ATP9B: variants seen among roughly 807,000 people sequenced by gnomAD.
ATP9B encodes the protein probable phospholipid-transporting ATPase IIB.
Under a neutral mutation model 146.1 loss-of-function variants are expected in ATP9B, and 110 were observed. The ratio of observed to expected loss-of-function variants is 0.75; its 90% CI spans 0.65 to 0.88. The LOEUF (loss-of-function observed/expected upper bound fraction) is 0.88. ATP9B is among the 40% of genes least tolerant of loss of function. The pLI is 0.00. For missense variants in ATP9B, 1,499 were observed against 1,496.4 expected, an observed-to-expected ratio of 1.00 and a Z score of -0.03; for synonymous variants, 604 against 569.7, an observed-to-expected ratio of 1.06 and a Z score of -0.86.
chr18:79,281,234 C>T (rs2096373031), intron 13 of ATP9B, among the ~76,000 whole-genome samples: 1 of 151,990 alleles, frequency 6.6e-6, no homozygotes, highest in Non-Finnish European at 1.5e-5. Flanking sequence ...CAGTGACTCA[C>T]ACCCGTAATC....
intron 9 of ATP9B, among the ~76,000 whole-genome samples, chr18:79,204,046 T>G (rs1204326384): frequency 1.3e-5 from 2 of 152,226 alleles, no homozygotes; most frequent in East Asian, 1.9e-4. Context: ...ATTTTGGTTG[T>G]TCTATCAAAT....
At chr18:79,140,593 G>A (rs576014328) in intron 5 of ATP9B, among the ~76,000 whole-genome samples, 1 of 152,084 alleles carries the variant, frequency 6.6e-6, no homozygotes, top group South Asian at 2.1e-4. Flanking sequence ...TGGCCCACAT[G>A]GCAAAACCCT....
intron 25 of ATP9B, among the ~76,000 whole-genome samples, chr18:79,356,818 G>T (rs908994675): frequency 1.4e-5 from 2 of 143,450 alleles, no homozygotes; most frequent in Non-Finnish European, 3.1e-5. Flanking sequence ...TGGGTCTGGA[G>T]GTGTCTGTGT....
intron 15 of ATP9B, among the ~76,000 whole-genome samples, chr18:79,322,830 A>G (rs554652393): frequency 6.6e-6 from 1 of 152,252 alleles, no homozygotes; most frequent in Non-Finnish European, 1.5e-5. Context: ...CTCCCAGAGC[A>G]GAATGTTCTC....
chr18:79,082,596 A>G (rs1249196100), intron 1 of ATP9B, among the ~76,000 whole-genome samples: 1 of 152,024 alleles, frequency 6.6e-6, no homozygotes, highest in Non-Finnish European at 1.5e-5. Flanking sequence ...TTTTGTGTGG[A>G]TGTCCTTTTT....
intron 1 of ATP9B, among the ~76,000 whole-genome samples, chr18:79,092,640 C>CTTTTTTT (rs145337759): frequency 3.4e-5 from 4 of 118,280 alleles, no homozygotes; most frequent in Admixed American, 8.7e-5. Flanking sequence ...TTTACTTAAA[C>CTTTTTTT]TTTTTTTTTT....
chr18:79,264,633 G>T (rs1473975397), intron 12 of ATP9B, among the ~76,000 whole-genome samples: 1 of 150,292 alleles, frequency 6.7e-6, no homozygotes, highest in Non-Finnish European at 1.5e-5. Context: ...TCTTCTAGAA[G>T]CTTAACTGTT....
chr18:79,104,292 T>TG (rs1284824607), intron 2 of ATP9B, among the ~76,000 whole-genome samples: 1 of 152,076 alleles, frequency 6.6e-6, no homozygotes, highest in Non-Finnish European at 1.5e-5. Context: ...CACTGGGTAT[T>TG]GGGGGAGACT....
At chr18:79,195,247 T>C (rs1342895679) in intron 9 of ATP9B, among the ~76,000 whole-genome samples, 2 of 114,078 alleles carry the variant, frequency 1.8e-5, no homozygotes, top group Non-Finnish European at 3.4e-5. Flanking sequence ...GAAAAATAGC[T>C]CTTATTATTA....
intron 4 of ATP9B, among the ~76,000 whole-genome samples, chr18:79,118,390 G>GGTTTTTTTTTT (rs1555689295): frequency 2.0e-4 from 19 of 93,272 alleles, no homozygotes; most frequent in African/African-American, 3.1e-4. Context: ...GAACGTTTTT[G>GGTTTTTTTTTT]TTTTTTTTTT....
chr18:79,320,196 T>C (rs2096707430), intron 15 of ATP9B, among the ~76,000 whole-genome samples: 1 of 152,270 alleles, frequency 6.6e-6, no homozygotes, highest in Non-Finnish European at 1.5e-5. Context: ...TTCCTGAGTC[T>C]ACATCGGTGA....
At chr18:79,182,183 G>A (rs2095259280) in intron 8 of ATP9B, among the ~76,000 whole-genome samples, 2 of 152,156 alleles carry the variant, frequency 1.3e-5, no homozygotes, top group Admixed American at 6.5e-5. Flanking sequence ...TCCTGCTGAT[G>A]TCTACTGAAA....
intron 13 of ATP9B, among the ~76,000 whole-genome samples, chr18:79,282,503 A>G (rs2096388526): frequency 1.3e-5 from 2 of 152,234 alleles, no homozygotes; most frequent in South Asian, 4.1e-4. Context: ...CTCTACCAGC[A>G]AAAAGATTAA....
At position 79,189,413 on chromosome 18, in the gene ATP9B, C is replaced by T. The variant is rs1252796300; in HGVS notation, c.874-3770C>T. ...CACCCACCCTTTGTACTATACATTC[C>T]CCTTGAACAACACAGGGGTCAATTG... On this transcript the variant is annotated intron_variant, in intron 8 of 29. Coordinates refer to ENST00000426216, the MANE Select transcript of ATP9B (RefSeq NM_198531.5). Among the ~76,000 whole-genome samples, 4 of 152,170 alleles carry T rather than the reference C, an allele frequency of 2.6e-5. No homozygotes were observed. In the South Asian group the frequency reaches 6.2e-4, roughly 24 times the overall value.
chr18:79,350,771 CTTT>C (rs34086629), intron 25 of ATP9B, among the ~76,000 whole-genome samples: 7 of 140,814 alleles, frequency 5.0e-5, no homozygotes, highest in Non-Finnish European at 4.6e-5. Flanking sequence ...ACATTAGTTG[CTTT>C]TTTTTTTTTT....
intron 8 of ATP9B, among the ~76,000 whole-genome samples, chr18:79,184,968 G>GA (rs1430722541): frequency 1.5e-5 from 2 of 132,064 alleles, no homozygotes; most frequent in Admixed American, 1.4e-4. Context: ...CACTATATTA[G>GA]AAAAAATTTG....
Position 79,377,394 on chromosome 18 carries a change from A to G in ATP9B, c.*11A>G. ...AAGCTGGCCTCCTAAGGGGCTGTGC[A>G]CCCCCAGCGGGCTGGCCCCAGCACC... On this transcript the variant is annotated 3_prime_UTR_variant, in exon 30 of 30. Coordinates refer to ENST00000426216, the MANE Select transcript of ATP9B (RefSeq NM_198531.5). The G allele has an allele frequency of 3.7e-6, 6 of 1,605,062 alleles. No individual in the cohort carries two copies. The highest frequency in any genetic ancestry group is 5.1e-6 in the Non-Finnish European group (6 of 1,179,858).
chr18:79,251,729 T>A (rs1349531260), intron 11 of ATP9B, among the ~76,000 whole-genome samples: 1 of 152,238 alleles, frequency 6.6e-6, no homozygotes, highest in African/African-American at 2.4e-5. Flanking sequence ...AGGCTAGCTT[T>A]CTATTGGGCA....
At chr18:79,136,590 G>A (rs60237285) in intron 5 of ATP9B, among the ~76,000 whole-genome samples, 37,989 of 152,020 alleles carry the variant, frequency 0.25, 5,075 homozygotes, top group East Asian at 0.5. Flanking sequence ...GTATTAGACT[G>A]TTTGAGGTAG....
Sources: allele counts gnomAD v4.1 joint callset (sites outside exome capture counted in the v4.1 genomes callset), GRCh38; gene constraint gnomAD v4.1.1; transcripts MANE v1.5; gene names NCBI Gene and HGNC (gene_info 2026-07-23, HGNC 2026-07-21).